SOAT2: variants seen among roughly 807,000 people sequenced by gnomAD.
The protein encoded by SOAT2 is sterol O-acyltransferase 2, also known as ACAT-2.
In SOAT2, 87 loss-of-function variants were observed where a neutral mutation model predicts 76.0. The observed-to-expected ratio is 1.14, with a 90% CI of 0.96 to 1.37. The LOEUF (loss-of-function observed/expected upper bound fraction) is 1.37, where lower values mean the gene tolerates loss of function less well. Ranked by LOEUF, SOAT2 falls within the 40% of genes most tolerant of loss-of-function variation. SOAT2 has a pLI of 0.00. For missense variants in SOAT2, 686 were observed against 682.1 expected (o/e 1.01, Z -0.06); for synonymous variants, 285 against 275.4 (o/e 1.03, Z -0.34).
chr12:53,106,109 G>T lies in SOAT2; in HGVS notation c.443+95G>T, dbSNP rs114851199. The T allele has an allele frequency of 3.8e-6, 3 of 799,766 alleles. No individual in the cohort carries two copies. In the African/African-American group the frequency reaches 5.1e-5, roughly 14 times the overall value. 49.5% of individuals were successfully genotyped at this position (799,766 alleles called of 1,614,324 possible). On this transcript the variant is annotated intron_variant, in intron 5 of 14. Coordinates refer to ENST00000301466, the MANE Select transcript of SOAT2 (RefSeq NM_003578.4). Reference sequence around the variant, plus strand: ...CTGCCCTTGGGGCAAGAGGACACAGGTTCCCCCTTTGGTTATTGGACATGT... The same window carrying T: ...CTGCCCTTGGGGCAAGAGGACACAGTTTCCCCCTTTGGTTATTGGACATGT...
At position 53,115,380 on chromosome 12, in the gene SOAT2, C is replaced by G; in HGVS notation, c.444-10C>G. ...ACTTGTCTACTTTGTCTCTCCTTCC[C>G]CACTCCAAGGCTGCTGCTGGAGTTT... On this transcript the variant is annotated splice_polypyrimidine_tract_variant and intron_variant, in intron 5 of 14. Coordinates refer to ENST00000301466, the MANE Select transcript of SOAT2 (RefSeq NM_003578.4). 1 of 1,585,882 alleles carries G rather than the reference C, an allele frequency of 6.3e-7. No individual in the cohort carries two copies. The highest frequency in any genetic ancestry group is 8.6e-7 in the Non-Finnish European group (1 of 1,164,382).
At chr12:53,116,727 G>A (rs576525708) in intron 7 of SOAT2, among the ~76,000 whole-genome samples, 2 of 152,022 alleles carry the variant, frequency 1.3e-5, no homozygotes, top group African/African-American at 4.8e-5. Context: ...AATTAGCCAG[G>A]TGTGGTGGCT....
At chr12:53,115,716 G>A in intron 6 of SOAT2, 62 bp downstream of exon 6, 2 of 1,445,252 alleles carry the variant, frequency 1.4e-6, no homozygotes. Context: ...TCTCAGCAGA[G>A]GGGGAGTCCC....
intron 5 of SOAT2, among the ~76,000 whole-genome samples, chr12:53,111,199 A>G (rs994937679): frequency 1.5e-4 from 22 of 150,308 alleles, no homozygotes; most frequent in African/African-American, 5.5e-4. Context: ...TCCGCCTCCC[A>G]GGTTCACGCC....
At chr12:53,113,949 T>G (rs1938061104) in intron 5 of SOAT2, among the ~76,000 whole-genome samples, 1 of 152,142 alleles carries the variant, frequency 6.6e-6, no homozygotes, top group Non-Finnish European at 1.5e-5. Flanking sequence ...TGTGGAGGCC[T>G]GGGGAGTTTC....
At chr12:53,111,524 T>A (rs1938012529) in intron 5 of SOAT2, among the ~76,000 whole-genome samples, 1 of 152,238 alleles carries the variant, frequency 6.6e-6, no homozygotes, top group Non-Finnish European at 1.5e-5. Flanking sequence ...TACTAAATAA[T>A]TCAAGATGTC....
In SOAT2 at chr12:53,105,604, C is replaced by A; in HGVS notation, c.319C>A (p.Arg107Ser). The change falls in exon 4 of 15, where the codon CGC becomes AGC. Residue 107 changes from arginine to serine, a missense_variant. Arg to Ser is a moderately radical substitution (Grantham distance 110). Coordinates refer to ENST00000301466, the MANE Select transcript of SOAT2 (RefSeq NM_003578.4). ...SLGKQKVFII[R>S]KSLLDELMEV... ...GGGGAAACAGAAAGTTTTCATCATC[C>A]GCAAGTCCCTGCTTGAGTAAGTCGG... is the stretch of plus-strand genomic sequence containing the variant. 2 of 1,610,804 alleles carry A rather than the reference C, an allele frequency of 1.2e-6. No individual in the cohort carries two copies. Among genetic ancestry groups the A allele is most frequent in the East Asian group, 2.2e-5 (1 of 44,846 alleles).
Position 53,118,390 on chromosome 12 carries a change from C to T in SOAT2, c.819C>T (p.Tyr273=), listed in dbSNP as rs1938137656. 1 of 1,613,814 alleles carries T rather than the reference C, an allele frequency of 6.2e-7. No individual in the cohort carries two copies. Among genetic ancestry groups the T allele is most frequent in the East Asian group, 2.2e-5 (1 of 44,870 alleles). Residue 273 remains tyrosine, a synonymous_variant, in exon 8 of 15, where the codon TAC becomes TAT. Coordinates refer to ENST00000301466, the MANE Select transcript of SOAT2 (RefSeq NM_003578.4). The part of the protein sequence containing the change: ...IQAPSFSSYL[Y]FLFCPTLIYR... The stretch of plus-strand genomic sequence containing the variant: ...CCCCCAGTTTCTCCAGCTACCTCTA[C>T]TTCCTCTTCTGCCCAACACTCATCT...
intron 5 of SOAT2, among the ~76,000 whole-genome samples, chr12:53,111,820 C>T (rs1344986704): frequency 6.6e-6 from 1 of 152,160 alleles, no homozygotes; most frequent in Non-Finnish European, 1.5e-5. Flanking sequence ...AAGCATTTGA[C>T]TAGTCTTTCC....
At chr12:53,117,264 T>C (rs946168764) in intron 7 of SOAT2, among the ~76,000 whole-genome samples, 4 of 139,220 alleles carry the variant, frequency 2.9e-5, no homozygotes, top group African/African-American at 1.1e-4. Context: ...CCCGGCCAAT[T>C]TTTTTTTTTT....
At chr12:53,115,784 G>A in intron 6 of SOAT2, 130 bp downstream of exon 6, 3 of 1,167,658 alleles carry the variant, frequency 2.6e-6, no homozygotes, top group Admixed American at 3.0e-5. Context: ...TGGCAGGGGC[G>A]GAGCTAGTTA....
chr12:53,119,377 C>T (rs1418560024), intron 10 of SOAT2, 124 bp downstream of exon 10: 12 of 1,054,170 alleles, frequency 1.1e-5, no homozygotes, highest in Non-Finnish European at 1.6e-5. Context: ...TCACATCTGT[C>T]CCCTCCTATC....
At chr12:53,120,924 G>A in intron 11 of SOAT2, 41 bp downstream of exon 11, 1 of 1,432,206 alleles carries the variant, frequency 7.0e-7, no homozygotes, top group Non-Finnish European at 9.9e-7. Context: ...TGGAGATAGG[G>A]AGGGTTAGGG....
At chr12:53,105,007 G>A (rs558977482) in intron 2 of SOAT2, 100 bp from the exon 3 acceptor site, 31 of 968,492 alleles carry the variant, frequency 3.2e-5, no homozygotes, top group South Asian at 1.5e-4. Flanking sequence ...TTTAAAAAAA[G>A]CACTGTGCCT....
intron 5 of SOAT2, among the ~76,000 whole-genome samples, chr12:53,108,043 A>C (rs1458371093): frequency 1.3e-5 from 2 of 152,218 alleles, no homozygotes. Flanking sequence ...GTACAGCAAG[A>C]ATAATTAGTT....
At chr12:53,117,044 C>T (rs1938116001) in intron 7 of SOAT2, among the ~76,000 whole-genome samples, 2 of 151,216 alleles carry the variant, frequency 1.3e-5, no homozygotes, top group South Asian at 4.2e-4. Flanking sequence ...CTGCAGCCTC[C>T]ACCTTCTGGG....
rs1326230418 is a variant in SOAT2 at position 53,124,281 on chromosome 12, C to G, written c.*158C>G. 2 of 700,018 alleles carry G rather than the reference C, an allele frequency of 2.9e-6. No homozygotes were observed. The highest frequency in any genetic ancestry group is 3.5e-5 in the African/African-American group (2 of 56,764). 43.4% of individuals were successfully genotyped at this position (700,018 alleles called of 1,614,324 possible). On this transcript the variant is annotated 3_prime_UTR_variant, in exon 15 of 15. Coordinates refer to ENST00000301466, the MANE Select transcript of SOAT2 (RefSeq NM_003578.4). ...AGGAATGTGCAAGGACTGAGATCTG[C>G]AGACTTGTGGGTAACTGATCACAGA... is the stretch of plus-strand genomic sequence containing the variant.
chr12:53,104,999 TAA>T (rs3215347), intron 2 of SOAT2, 106 bp from the exon 3 acceptor site: 442 of 1,200,404 alleles, frequency 3.7e-4, no homozygotes, highest in Non-Finnish European at 4.2e-4. Flanking sequence ...TTTTTTTTTT[TAA>T]AAAAAGCACT....
Position 53,116,128 on chromosome 12 carries a change from T to C in SOAT2, c.740T>C (p.Leu247Pro), listed in dbSNP as rs1938103514. 1.2e-6 allele frequency: 2 copies of C among 1,613,990 alleles called. No individual in the cohort carries two copies. The highest frequency in any genetic ancestry group is 1.1e-5 in the South Asian group (1 of 91,084). The change falls in exon 7 of 15, where the codon CTG becomes CCG. Residue 247 changes from leucine to proline, a missense_variant. Coordinates refer to ENST00000301466, the MANE Select transcript of SOAT2 (RefSeq NM_003578.4). ...TTCCTGATGAAAAGCTACTCCTTCC[T>C]GAGAGAGGCTGTGCCTGGGACCCTT... ...VRFLMKSYSF[L>P]REAVPGTLRA...
Sources: gnomAD v4.1 joint callset for allele counts (sites outside exome capture counted in the v4.1 genomes callset) on GRCh38, gnomAD v4.1.1 for gene constraint, MANE v1.5 for transcripts, NCBI Gene and HGNC (gene_info 2026-07-23, HGNC 2026-07-21) for gene names.